The following ZNF280D variants were observed in gnomAD, a reference collection of about 807,000 sequenced individuals.
ZNF280D encodes suppressor of hairy wing homolog 4.
In ZNF280D, 39 loss-of-function variants were observed where a neutral mutation model predicts 94.7. That is an observed-to-expected ratio of 0.41 (90% CI 0.32 to 0.54). ZNF280D has a LOEUF of 0.54. Ranked by LOEUF, ZNF280D falls within the 20% of genes least tolerant of loss-of-function variation. The pLI is 0.22. For missense variants in ZNF280D, 1,090 were observed against 1,149.3 expected, an observed-to-expected ratio of 0.95 and a Z score of 0.75; for synonymous variants, 398 against 377.6, an observed-to-expected ratio of 1.05 and a Z score of -0.63.
At chr15:56,706,502 AAAC>A (rs2057412025) in intron 3 of ZNF280D, among the ~76,000 whole-genome samples, 1 of 151,690 alleles carries the variant, frequency 6.6e-6, no homozygotes, top group Non-Finnish European at 1.5e-5. Flanking sequence ...AACAAACAAA[AAAC>A]GAGAAGATGG....
At chr15:56,702,642 CAATAG>C (rs1406842069) in intron 4 of ZNF280D, among the ~76,000 whole-genome samples, 1 of 151,926 alleles carries the variant, frequency 6.6e-6, no homozygotes, top group Non-Finnish European at 1.5e-5. Context: ...AAACAATAAC[CAATAG>C]AATATTATGT....
At chr15:56,703,272 G>A (rs999897280) in intron 4 of ZNF280D, among the ~76,000 whole-genome samples, 6 of 152,178 alleles carry the variant, frequency 3.9e-5, no homozygotes, top group African/African-American at 1.2e-4. Context: ...AGTGGCTGTA[G>A]ACAGCGCCAT....
In ZNF280D at chr15:56,646,536, C is replaced by A. The variant is rs1439880214; in HGVS notation, c.2214-3539G>T. ...TAGTAATCATCAGACTAAGACATAA[C>A]AGTAAAACATCTACTCTACCATTTC... is the stretch of plus-strand genomic sequence containing the variant. On this transcript the variant is annotated intron_variant, in intron 19 of 21. Transcript: ENST00000267807. Among the ~76,000 whole-genome samples the A allele has an allele frequency of 3.3e-5, 5 of 152,280 alleles. No individual in the cohort carries two copies. In the South Asian group the frequency reaches 8.3e-4, roughly 25 times the overall value.
At chr15:56,686,995 C>CA (rs1319537630) in intron 9 of ZNF280D, among the ~76,000 whole-genome samples, 10 of 151,534 alleles carry the variant, frequency 6.6e-5, no homozygotes, top group East Asian at 1.9e-4. Flanking sequence ...TGCTAGTTGG[C>CA]AAAAAAATCA....
chr15:56,664,812 A>C (rs1042290349), intron 16 of ZNF280D, among the ~76,000 whole-genome samples: 5 of 152,204 alleles, frequency 3.3e-5, no homozygotes, highest in Admixed American at 6.5e-5. Flanking sequence ...AAGAGGTTCA[A>C]ATCTTACCTT....
chr15:56,692,161 C>A (rs1180410745), intron 7 of ZNF280D, among the ~76,000 whole-genome samples: 2 of 151,830 alleles, frequency 1.3e-5, no homozygotes, highest in Non-Finnish European at 2.9e-5. Context: ...ATTTTTTTCT[C>A]CCTGTTTCTT....
At chr15:56,691,259 T>C (rs548427234) in intron 7 of ZNF280D, among the ~76,000 whole-genome samples, 12 of 152,308 alleles carry the variant, frequency 7.9e-5, no homozygotes, top group Non-Finnish European at 1.6e-4. Context: ...GGCTTCTCTC[T>C]TTCATCCTTT....
chr15:56,677,612 C>T lies in ZNF280D; in HGVS notation c.1225G>A (p.Asp409Asn). The T allele has an allele frequency of 1.9e-6, 3 of 1,610,298 alleles. No homozygotes were observed. The highest frequency in any genetic ancestry group is 2.5e-6 in the Non-Finnish European group (3 of 1,178,154). Residue 409 changes from aspartate (D) to asparagine (N), a missense_variant, in exon 12 of 22, where the codon GAC becomes AAC. By Grantham distance (23) the Asp-to-Asn change is conservative. This residue lies in a region of ZNF280D where 127 missense variants were observed against 208.6 expected (regional missense o/e 0.61). Transcript: ENST00000267807. ...TEHVLLQHMK[D>N]NHKPGEMPYV... is the part of the protein sequence containing the mutation. The stretch of plus-strand genomic sequence containing the variant: ...GGCATTTCACCAGGTTTATGATTGT[C>T]CTTCATATGTTGTAAAAGAACATGT...
chr15:56,633,481 AAT>A (rs1370610991), intron 21 of ZNF280D, among the ~76,000 whole-genome samples: 3 of 151,942 alleles, frequency 2.0e-5, no homozygotes, highest in Admixed American at 6.6e-5. Context: ...TAAAAAATCT[AAT>A]ATCTTTTTAT....
intron 13 of ZNF280D, among the ~76,000 whole-genome samples, chr15:56,673,657 C>G (rs2055011302): frequency 6.6e-6 from 1 of 151,998 alleles, no homozygotes; most frequent in Non-Finnish European, 1.5e-5. Flanking sequence ...GCTTACAAAG[C>G]TCCACATGAA....
chr15:56,726,634 TA>T (rs1270568125), intron 1 of ZNF280D, among the ~76,000 whole-genome samples: 1 of 152,088 alleles, frequency 6.6e-6, no homozygotes, highest in Non-Finnish European at 1.5e-5. Flanking sequence ...CCAACTATGC[TA>T]AAAAAATAAT....
chr15:56,633,781 G>C (rs188511743), intron 21 of ZNF280D, among the ~76,000 whole-genome samples: 2 of 151,946 alleles, frequency 1.3e-5, no homozygotes, highest in African/African-American at 4.8e-5. Flanking sequence ...GAGCCACAGC[G>C]CCCAGCCAAA....
At chr15:56,676,634 C>A in intron 13 of ZNF280D, 36 bp downstream of exon 13, 1 of 1,544,268 alleles carries the variant, frequency 6.5e-7, no homozygotes, top group Non-Finnish European at 8.7e-7. Context: ...TTCACTAAGA[C>A]AACATAATAA....
chr15:56,700,720 C>A, intron 6 of ZNF280D: 5 of 1,451,820 alleles, frequency 3.4e-6, no homozygotes, highest in Non-Finnish European at 4.5e-6. Context: ...AGGCATACTG[C>A]CTGTTATTAA....
chr15:56,679,859 C>T (rs932827702), intron 10 of ZNF280D, among the ~76,000 whole-genome samples: 4 of 152,134 alleles, frequency 2.6e-5, no homozygotes, highest in Admixed American at 2.0e-4. Context: ...AATATCTTTT[C>T]CTCCTTTGGT....
rs142907896 is a variant in ZNF280D, at chr15:56,652,184, T to C, written c.2213+2014A>G. Among the ~76,000 whole-genome samples, 1,015 of 152,294 alleles carry C rather than the reference T, an allele frequency of 6.7e-3. 9 individuals are homozygous for C. The highest frequency in any genetic ancestry group is 0.023 in the African/African-American group (950 of 41,584). ...TAGATTCAACTCTTTTGATAATTAA[T>C]TGCAAGAAACACGTCATATAATAGG... On this transcript the variant is annotated intron_variant, in intron 19 of 21. Transcript: ENST00000267807.
chr15:56,688,977 G>GTAAT, intron 9 of ZNF280D, 64 bp downstream of exon 9: 5 of 999,908 alleles, frequency 5.0e-6, no homozygotes, highest in Non-Finnish European at 6.0e-6. Flanking sequence ...ATTAATTACT[G>GTAAT]TAATCATCAG....
At chr15:56,657,117 T>C (rs567883576) in intron 17 of ZNF280D, among the ~76,000 whole-genome samples, 1 of 151,870 alleles carries the variant, frequency 6.6e-6, no homozygotes, top group Non-Finnish European at 1.5e-5. Context: ...ACAAAGACAC[T>C]GACATTTCAA....
chr15:56,714,318 C>T (rs1259307807), intron 1 of ZNF280D, among the ~76,000 whole-genome samples: 4 of 152,062 alleles, frequency 2.6e-5, no homozygotes, highest in Non-Finnish European at 4.4e-5. Flanking sequence ...GAAGATAAAT[C>T]TCACCCAATT....
Sources: allele counts gnomAD v4.1 joint callset (sites outside exome capture counted in the v4.1 genomes callset), GRCh38; gene constraint gnomAD v4.1.1; regional missense constraint gnomAD v4.1.1; transcripts MANE v1.5; gene names NCBI Gene and HGNC (gene_info 2026-07-23, HGNC 2026-07-21).